The following CCDC171 variants were observed in gnomAD, a reference collection of about 807,000 sequenced individuals.
The protein encoded by CCDC171 is coiled-coil domain containing 171.
In CCDC171, 177 loss-of-function variants were observed where a neutral mutation model predicts 168.2. The ratio of observed to expected loss-of-function variants is 1.05; its 90% CI spans 0.93 to 1.19. The LOEUF (loss-of-function observed/expected upper bound fraction) is 1.19. CCDC171 is among the 50% of genes most tolerant of loss of function. CCDC171 has a pLI of 0.00. For missense variants in CCDC171, 1,991 were observed against 1,539.0 expected (o/e 1.29, Z -4.91); for synonymous variants, 687 against 540.8 (o/e 1.27, Z -3.75).
chr9:15,771,043 T>C (rs1189309296), intron 18 of CCDC171, among the ~76,000 whole-genome samples: 1 of 152,220 alleles, frequency 6.6e-6, no homozygotes, highest in Non-Finnish European at 1.5e-5. Context: ...TATCATTAAT[T>C]GTATTTAGTT....
chr9:15,633,185 A>G (rs1192137814), intron 7 of CCDC171, among the ~76,000 whole-genome samples: 1 of 152,224 alleles, frequency 6.6e-6, no homozygotes, highest in Non-Finnish European at 1.5e-5. Flanking sequence ...ATCTAATTAA[A>G]CTAAAGAGCT....
At chr9:15,884,683 C>T (rs1819154778) in intron 24 of CCDC171, among the ~76,000 whole-genome samples, 1 of 152,134 alleles carries the variant, frequency 6.6e-6, no homozygotes, top group Non-Finnish European at 1.5e-5. Context: ...GTAAGTCACT[C>T]AACAGCACAG....
intron 3 of CCDC171, among the ~76,000 whole-genome samples, chr9:16,004,013 T>TG: frequency 6.6e-6 from 1 of 152,288 alleles, no homozygotes; most frequent in East Asian, 1.9e-4. Context: ...CTGCAGGGGA[T>TG]CGGCATTGAC....
intron 25 of CCDC171, among the ~76,000 whole-genome samples, chr9:15,929,503 C>G (rs1359952): frequency 0.52 from 78,617 of 151,480 alleles, 21,822 homozygotes; most frequent in African/African-American, 0.72. Context: ...TCTGAAATAA[C>G]TGTCCACCTT....
chr9:15,837,070 T>A (rs2060483915), intron 21 of CCDC171, among the ~76,000 whole-genome samples: 1 of 152,124 alleles, frequency 6.6e-6, no homozygotes, highest in African/African-American at 2.4e-5. Flanking sequence ...TCTCCGGGAG[T>A]CATATGTCTG....
chr9:15,953,524 A>G (rs572655277), intron 25 of CCDC171, among the ~76,000 whole-genome samples: 2 of 152,222 alleles, frequency 1.3e-5, no homozygotes, highest in East Asian at 1.9e-4. Context: ...TCCTGGGGTA[A>G]ACCCACTTAG....
At chr9:15,593,573 G>A (rs2042142278) in intron 5 of CCDC171, among the ~76,000 whole-genome samples, 3 of 151,662 alleles carry the variant, frequency 2.0e-5, no homozygotes, top group Non-Finnish European at 4.4e-5. Flanking sequence ...TACATTGCTC[G>A]TGTCAAATTT....
At chr9:15,590,771 C>CTCTTTCTTTCTCTTTCTT (rs2041924097) in intron 4 of CCDC171, among the ~76,000 whole-genome samples, 1 of 122,520 alleles carries the variant, frequency 8.2e-6, no homozygotes, top group Non-Finnish European at 1.7e-5. Flanking sequence ...TTCTTTCTTT[C>CTCTTTCTTTCTCTTTCTT]TCTTTCTTTC....
At chr9:15,599,188 A>AT (rs1340016174) in intron 6 of CCDC171, among the ~76,000 whole-genome samples, 2 of 152,184 alleles carry the variant, frequency 1.3e-5, no homozygotes, top group Non-Finnish European at 2.9e-5. Context: ...TGATCCTGTC[A>AT]TTATAATATT....
chr9:15,805,034 A>G (rs1337006612), intron 21 of CCDC171, among the ~76,000 whole-genome samples: 2 of 152,058 alleles, frequency 1.3e-5, no homozygotes, highest in Non-Finnish European at 1.5e-5. Flanking sequence ...TTTCTAGTTT[A>G]TGTACAGAGA....
At chr9:16,071,556 T>C in the CCDC171 span, among the ~76,000 whole-genome samples, 1 of 152,202 alleles carries the variant, frequency 6.6e-6, no homozygotes, top group African/African-American at 2.4e-5. Flanking sequence ...TGCCTGGCCA[T>C]GGAGAATACA....
chr9:15,912,631 T>A (rs1823865730), intron 24 of CCDC171, among the ~76,000 whole-genome samples: 1 of 152,240 alleles, frequency 6.6e-6, no homozygotes. Context: ...TCAAAGGGAA[T>A]GCTTCCGGTT....
intron 24 of CCDC171, among the ~76,000 whole-genome samples, chr9:15,895,870 G>A (rs1302540639): frequency 6.6e-6 from 1 of 151,792 alleles, no homozygotes; most frequent in African/African-American, 2.4e-5. Flanking sequence ...CCTAAAGTAA[G>A]GCAATTTATT....
chr9:15,854,004 G>GTT (rs201544895), intron 23 of CCDC171, among the ~76,000 whole-genome samples: 132 of 135,670 alleles, frequency 9.7e-4, no homozygotes, highest in African/African-American at 2.7e-3. Context: ...GGTTTGCTAG[G>GTT]TTTTTTTTTT....
chr9:15,776,838 C>G (rs2135377668), intron 18 of CCDC171, among the ~76,000 whole-genome samples: 1 of 152,294 alleles, frequency 6.6e-6, no homozygotes, highest in East Asian at 1.9e-4. Context: ...AGCAGAGGCT[C>G]TTAAAAATGT....
the CCDC171 span, among the ~76,000 whole-genome samples, chr9:16,068,151 T>C: frequency 6.8e-6 from 1 of 147,974 alleles, no homozygotes; most frequent in Non-Finnish European, 1.5e-5. Flanking sequence ...CAAGCATTCT[T>C]ATACACCAAC....
intron 8 of CCDC171, among the ~76,000 whole-genome samples, chr9:15,663,003 A>ACAG (rs1564163338): frequency 1.3e-5 from 2 of 152,026 alleles, no homozygotes; most frequent in African/African-American, 4.8e-5. Context: ...AACAACAACA[A>ACAG]CAACAACAAC....
chr9:16,091,188 C>T, the CCDC171 span, among the ~76,000 whole-genome samples: 2 of 152,190 alleles, frequency 1.3e-5, no homozygotes, highest in Non-Finnish European at 2.9e-5. Context: ...TTGAACCCCT[C>T]CTCCATCCCA....
At chr9:15,687,467 C>T (rs554737024) in intron 10 of CCDC171, among the ~76,000 whole-genome samples, 8 of 150,430 alleles carry the variant, frequency 5.3e-5, no homozygotes, top group East Asian at 1.9e-4. Context: ...TAACATTTCA[C>T]GGTAAGAAAA....
Sources: allele counts gnomAD v4.1 joint callset (sites outside exome capture counted in the v4.1 genomes callset), GRCh38; gene constraint gnomAD v4.1.1; transcripts MANE v1.5; gene names NCBI Gene and HGNC (gene_info 2026-07-23, HGNC 2026-07-21).